Variants in MYSM1 observed in about 807,000 individuals in gnomAD.
The protein encoded by MYSM1 is deubiquitinase MYSM1.
In MYSM1, 51 loss-of-function variants were observed where a neutral mutation model predicts 116.0. The ratio of observed to expected loss-of-function variants is 0.44; its 90% CI spans 0.35 to 0.56. The LOEUF (loss-of-function observed/expected upper bound fraction) is 0.56. Ranked by LOEUF, MYSM1 falls within the 20% of genes least tolerant of loss-of-function variation. The probability of loss-of-function intolerance (pLI) is 0.00; values close to 1 mark genes in which losing one functional copy is unlikely to be tolerated. For missense variants in MYSM1, 900 were observed against 974.9 expected, an observed-to-expected ratio of 0.92 and a Z score of 1.02; for synonymous variants, 313 against 315.2, an observed-to-expected ratio of 0.99 and a Z score of 0.07.
intron 8 of MYSM1, 93 bp downstream of exon 8, chr1:58,681,692 T>C: frequency 7.9e-7 from 1 of 1,267,374 alleles, no homozygotes. Flanking sequence ...TCTCTAGATT[T>C]ACTAGCAAAA....
At chr1:58,673,467 A>T in intron 11 of MYSM1, 106 bp downstream of exon 11, 1 of 927,892 alleles carries the variant, frequency 1.1e-6, no homozygotes, top group Non-Finnish European at 1.7e-6. Context: ...ATGAACACAT[A>T]CATGTTAATG....
intron 17 of MYSM1, 38 bp downstream of exon 17, chr1:58,665,461 G>A (rs1345624375): frequency 6.8e-7 from 1 of 1,474,174 alleles, no homozygotes; most frequent in South Asian, 1.3e-5. Context: ...AGAAATAAGA[G>A]TAGAAAGAGG....
Position 58,689,163 on chromosome 1 carries a change from A to G in MYSM1, c.321-47T>C, listed in dbSNP as rs764033038. On this transcript the variant is annotated intron_variant, in intron 5 of 19. Coordinates refer to ENST00000472487, the MANE Select transcript of MYSM1 (RefSeq NM_001085487.3). ...GCAAAAAAAATTTCTGAAATGGAAC[A>G]TTCCATATTTATGTAACTAAAGGTT... is the stretch of plus-strand genomic sequence containing the variant. 1.3e-5 allele frequency: 18 copies of G among 1,431,804 alleles called. No homozygotes were observed. The South Asian group carries it at 2.2e-4, about 18-fold the overall frequency. 88.7% of individuals were successfully genotyped at this position (1,431,804 alleles called of 1,614,324 possible). A position where few individuals can be genotyped will look rare whatever the true frequency, so the allele number is the denominator to read the frequency against.
In MYSM1 at chr1:58,659,984, A is replaced by C; in HGVS notation, c.*13T>G. 1 of 1,466,858 alleles carries C rather than the reference A, an allele frequency of 6.8e-7. No homozygotes were observed. The highest frequency in any genetic ancestry group is 9.1e-7 in the Non-Finnish European group (1 of 1,093,624). 90.9% of individuals were successfully genotyped at this position (1,466,858 alleles called of 1,614,324 possible). A position where few individuals can be genotyped will look rare whatever the true frequency, so the allele number is the denominator to read the frequency against. ...TACTGTGTCAAGATTAAAATGTCTT[A>C]ACTTTAAAATAATCACATTAACAAT... On this transcript the variant is annotated 3_prime_UTR_variant, in exon 20 of 20. Transcript: ENST00000472487.
At chr1:58,681,250 G>A (rs1262974618) in intron 8 of MYSM1, among the ~76,000 whole-genome samples, 1 of 152,144 alleles carries the variant, frequency 6.6e-6, no homozygotes, top group East Asian at 1.9e-4. Context: ...TCAAATAAAC[G>A]GTACTGACAA....
chr1:58,693,058 C>T (rs1557526550), intron 2 of MYSM1, 127 bp from the exon 3 acceptor site: 5 of 698,498 alleles, frequency 7.2e-6, no homozygotes, highest in Non-Finnish European at 1.1e-5. Flanking sequence ...AGCACACAGA[C>T]ATATTTTTGA....
Position 58,667,833 on chromosome 1 carries a change from AAGAG to A in MYSM1, c.1842+10_1842+13del, listed in dbSNP as rs781097997. On this transcript the variant is annotated intron_variant, in intron 15 of 19. Transcript: ENST00000472487. ...CTAAATAACTAAAACATTTTTTTAA[AAGAG>A]AGAACTTACTTCAACTACTTTATCA... 6.5e-7 allele frequency: 1 copy of A among 1,531,960 alleles called. No homozygotes were observed. Among genetic ancestry groups the A allele is most frequent in the South Asian group, 1.1e-5 (1 of 89,144 alleles). The allele number at this position is 1,531,960 out of a possible 1,614,324, so 94.9% of individuals were successfully genotyped here.
chr1:58,693,050 C>T, intron 2 of MYSM1, 119 bp from the exon 3 acceptor site: 1 of 739,616 alleles, frequency 1.4e-6, no homozygotes, highest in African/African-American at 1.8e-5. Flanking sequence ...ATTTACTGAG[C>T]ACACAGACAT....
At chr1:58,678,444 C>T (rs1170782555) in intron 8 of MYSM1, among the ~76,000 whole-genome samples, 1 of 152,142 alleles carries the variant, frequency 6.6e-6, no homozygotes, top group Non-Finnish European at 1.5e-5. Context: ...TAGCACAGTG[C>T]TGAACAAATG....
intron 15 of MYSM1, 41 bp downstream of exon 15, chr1:58,667,806 G>C (rs761180662): frequency 1.1e-5 from 13 of 1,161,604 alleles, no homozygotes; most frequent in Non-Finnish European, 1.6e-5. Flanking sequence ...ATGGTAGTAG[G>C]ACTAAATAAC....
rs371448722 is a variant in MYSM1 at position 58,696,858 on chromosome 1, C to T, written c.69-1651G>A. 5.2e-4 allele frequency among the ~76,000 whole-genome samples: 79 copies of T among 152,160 alleles called. 1 individual carries two copies. The East Asian group carries it at 8.1e-3, about 16-fold the overall frequency. The stretch of plus-strand genomic sequence containing the variant: ...GACTAAATGAACAAGGTAGGTAGGG[C>T]GTGGATCACTCAGATCTCTGGTAGT... On this transcript the variant is annotated intron_variant, in intron 1 of 19. Transcript: ENST00000472487.
chr1:58,685,189 T>C lies in MYSM1; in HGVS notation c.462A>G (p.Gln154=), dbSNP rs1644809338. ...SKLIGSRTVL[Q]VKSYARQYFK... is the part of the protein sequence containing the mutation. The stretch of plus-strand genomic sequence containing the variant: ...AATACTGTCTTGCATAACTCTTCAC[T>C]TGTAAAACAGTGCGGCTTCCAATTA... The change falls in exon 7 of 20, where the codon CAA becomes CAG. Residue 154 remains glutamine (Q), a synonymous_variant. Coordinates refer to ENST00000472487, the MANE Select transcript of MYSM1 (RefSeq NM_001085487.3). 6.2e-7 allele frequency: 1 copy of C among 1,609,252 alleles called. No homozygotes were observed. The highest frequency in any genetic ancestry group is 1.3e-5 in the African/African-American group (1 of 74,768).
At chr1:58,668,310 C>T (rs1557508098) in intron 14 of MYSM1, 1 of 608,566 alleles carries the variant, frequency 1.6e-6, no homozygotes, top group African/African-American at 2.0e-5. Context: ...TTAGTAAAAA[C>T]AAAAAAACCC....
chr1:58,692,564 A>C, intron 3 of MYSM1: 1 of 218,700 alleles, frequency 4.6e-6, no homozygotes, highest in Non-Finnish European at 8.9e-6. Flanking sequence ...GCAAGCTTGG[A>C]CTTAAGGTTC....
In MYSM1 at chr1:58,699,923, G is replaced by A. The variant is rs114980496; in HGVS notation, c.68+62C>T. ...CCTTGCCGGACCTGCAGCTTTCCCAGGGCCCGCTCCTTCAATCCACTCCCC... is the reference window on the plus strand; with the variant it reads ...CCTTGCCGGACCTGCAGCTTTCCCAAGGCCCGCTCCTTCAATCCACTCCCC... On this transcript the variant is annotated intron_variant, in intron 1 of 19. Transcript: ENST00000472487. 4,826 of 1,608,182 alleles carry A rather than the reference G, an allele frequency of 3.0e-3. 115 individuals are homozygous for A. In the African/African-American group the frequency reaches 0.056, roughly 19 times the overall value.
chr1:58,690,664 A>G (rs1316672042), intron 3 of MYSM1, among the ~76,000 whole-genome samples: 1 of 145,332 alleles, frequency 6.9e-6, no homozygotes, highest in Non-Finnish European at 1.5e-5. Flanking sequence ...TTAAAACACC[A>G]TGAGATTATT....
chr1:58,689,330 C>A, intron 5 of MYSM1: 1 of 459,872 alleles, frequency 2.2e-6, no homozygotes, highest in East Asian at 3.8e-5. Context: ...GATGGGAGCC[C>A]CAAAAGACAT....
At chr1:58,671,062 A>G (rs960865630) in intron 12 of MYSM1, among the ~76,000 whole-genome samples, 1 of 152,194 alleles carries the variant, frequency 6.6e-6, no homozygotes, top group African/African-American at 2.4e-5. Flanking sequence ...GAGGTAATAT[A>G]TACTGTAATG....
chr1:58,681,744 T>C, intron 8 of MYSM1, 41 bp downstream of exon 8: 1 of 1,509,674 alleles, frequency 6.6e-7, no homozygotes, highest in Non-Finnish European at 8.9e-7. Flanking sequence ...CTTCAGAATA[T>C]CACGTTTTAA....
Sources: gnomAD v4.1 joint callset for allele counts (sites outside exome capture counted in the v4.1 genomes callset) on GRCh38, gnomAD v4.1.1 for gene constraint, MANE v1.5 for transcripts, NCBI Gene and HGNC (gene_info 2026-07-23, HGNC 2026-07-21) for gene names.